The following STPG2 variants were observed in gnomAD, a reference collection of about 807,000 sequenced individuals.
STPG2 encodes the protein sperm tail PG-rich repeat containing 2.
A neutral mutation model predicts 54.2 loss-of-function variants in STPG2; 56 were observed. That is an observed-to-expected ratio of 1.03 (90% CI 0.83 to 1.29). The LOEUF (loss-of-function observed/expected upper bound fraction) is 1.29. STPG2 is among the 50% of genes most tolerant of loss of function. The probability of loss-of-function intolerance (pLI) is 0.00; values close to 1 mark genes in which losing one functional copy is unlikely to be tolerated. For synonymous variants in STPG2, 200 were observed against 181.8 expected (o/e 1.10, Z -0.81); for missense variants, 596 against 544.9 (o/e 1.09, Z -0.93).
At chr4:97,777,722 T>C (rs759461100) in intron 9 of STPG2, among the ~76,000 whole-genome samples, 1 of 152,224 alleles carries the variant, frequency 6.6e-6, no homozygotes, top group Non-Finnish European at 1.5e-5. Flanking sequence ...TTAACTTCTC[T>C]ATTCTAGATT....
intron 7 of STPG2, among the ~76,000 whole-genome samples, chr4:97,969,629 T>C (rs1197992276): frequency 2.0e-5 from 3 of 152,138 alleles, no homozygotes; most frequent in African/African-American, 7.2e-5. Flanking sequence ...TGTTAAAAAC[T>C]CTCAATAAAC....
chr4:97,457,958 TG>T (rs1332951952), intron 4 of STPG2, among the ~76,000 whole-genome samples: 1 of 152,046 alleles, frequency 6.6e-6, no homozygotes, highest in Non-Finnish European at 1.5e-5. Flanking sequence ...AAAAATAAAG[TG>T]ATATGGATGA....
intron 2 of STPG2, among the ~76,000 whole-genome samples, chr4:98,131,095 T>C (rs1169872942): frequency 2.6e-5 from 4 of 152,116 alleles, no homozygotes; most frequent in African/African-American, 7.2e-5. Context: ...ATGTGGTTTT[T>C]TCTGCACATA....
chr4:98,056,887 C>T (rs577020308), intron 5 of STPG2, among the ~76,000 whole-genome samples: 7 of 152,140 alleles, frequency 4.6e-5, no homozygotes, highest in African/African-American at 1.7e-4. Flanking sequence ...GAAGAAGGTG[C>T]TTGCTTCCCC....
chr4:97,468,074 C>T (rs1729832128), intron 4 of STPG2, among the ~76,000 whole-genome samples: 1 of 151,858 alleles, frequency 6.6e-6, no homozygotes, highest in South Asian at 2.1e-4. Flanking sequence ...TTTAACAGTC[C>T]GTCACTAATT....
At chr4:97,697,110 A>C (rs1443825725) in intron 10 of STPG2, among the ~76,000 whole-genome samples, 6 of 152,216 alleles carry the variant, frequency 3.9e-5, no homozygotes, top group Non-Finnish European at 8.8e-5. Context: ...CCTGGTCTAA[A>C]CAAAATGGTC....
chr4:97,679,233 G>A (rs1006322420), intron 10 of STPG2, among the ~76,000 whole-genome samples: 1 of 152,176 alleles, frequency 6.6e-6, no homozygotes, highest in Non-Finnish European at 1.5e-5. Context: ...CTACTTTACA[G>A]TCCCACCAAC....
At chr4:97,540,270 C>T (rs1731661022) in intron 4 of STPG2, among the ~76,000 whole-genome samples, 2 of 151,910 alleles carry the variant, frequency 1.3e-5, no homozygotes, top group Admixed American at 6.6e-5. Flanking sequence ...CAAATAGATG[C>T]AATAAATAAT....
Position 97,729,063 on chromosome 4 carries a change from T to TTCTCTCTCTCTCTCTCTCTCTCTCTCTC in STPG2, c.1205-16277_1205-16250dup, listed in dbSNP as rs57186071. 1.8e-3 allele frequency among the ~76,000 whole-genome samples: 219 copies of TTCTCTCTCTCTCTCTCTCTCTCTCTCTC among 124,892 alleles called. 20 individuals carry two copies. Among genetic ancestry groups the TTCTCTCTCTCTCTCTCTCTCTCTCTCTC allele is most frequent in the Non-Finnish European group, 3.2e-3 (184 of 58,152 alleles). The allele number at this position is 124,892 out of a possible 152,430, so 81.9% of individuals were successfully genotyped here. On this transcript the variant is annotated intron_variant, in intron 9 of 10. Transcript: ENST00000295268. ...CCACTGATGACAAGGCCCCAAGAAT[T>TTCTCTCTCTCTCTCTCTCTCTCTCTCTC]TCTCTCTCTCTCTCTCTCTCTCTCT... is the stretch of plus-strand genomic sequence containing the variant.
At chr4:97,905,227 A>T (rs537078206) in intron 8 of STPG2, among the ~76,000 whole-genome samples, 2 of 152,258 alleles carry the variant, frequency 1.3e-5, no homozygotes, top group South Asian at 4.1e-4. Context: ...TTACCCTCAA[A>T]GGGAAGCCCA....
At chr4:97,837,456 T>C (rs948222287) in intron 9 of STPG2, among the ~76,000 whole-genome samples, 23 of 151,804 alleles carry the variant, frequency 1.5e-4, no homozygotes, top group African/African-American at 4.8e-4. Context: ...GATAAAGTGA[T>C]GCTTAAATAC....
intron 10 of STPG2, among the ~76,000 whole-genome samples, chr4:97,597,847 C>A (rs761801924): frequency 6.6e-6 from 1 of 152,026 alleles, no homozygotes; most frequent in Non-Finnish European, 1.5e-5. Context: ...CCACTCTCAC[C>A]ACTCCTGTCC....
chr4:98,092,459 T>A (rs1738721149), intron 5 of STPG2, among the ~76,000 whole-genome samples: 1 of 152,076 alleles, frequency 6.6e-6, no homozygotes. Context: ...CAAGTGCCTG[T>A]TATAAAGCCA....
intron 4 of STPG2, among the ~76,000 whole-genome samples, chr4:97,453,851 A>G (rs1456439718): frequency 6.6e-6 from 1 of 152,192 alleles, no homozygotes; most frequent in Non-Finnish European, 1.5e-5. Flanking sequence ...TTTCAGACAT[A>G]GAAATCAGAC....
intron 10 of STPG2, among the ~76,000 whole-genome samples, chr4:97,608,391 A>G (rs1733646891): frequency 6.6e-6 from 1 of 152,060 alleles, no homozygotes; most frequent in Non-Finnish European, 1.5e-5. Context: ...ACAGTGGCAC[A>G]GGTATAAGTG....
intron 1 of STPG2, among the ~76,000 whole-genome samples, chr4:98,134,698 A>T (rs370234764): frequency 6.6e-6 from 1 of 151,202 alleles, no homozygotes; most frequent in East Asian, 1.9e-4. Flanking sequence ...CAAAAAAAAA[A>T]CTAAAGAAAA....
intron 7 of STPG2, among the ~76,000 whole-genome samples, chr4:97,963,777 T>A (rs1158020326): frequency 6.6e-6 from 1 of 151,806 alleles, no homozygotes; most frequent in Non-Finnish European, 1.5e-5. Context: ...AAATGAACAA[T>A]AGAAATTAAA....
In STPG2 at chr4:98,128,408, A is replaced by G. The variant is rs1364787531; in HGVS notation, c.387+20T>C. The G allele has an allele frequency of 4.6e-6, 7 of 1,536,628 alleles. No homozygotes were observed. The Admixed American group carries it at 1.1e-4, about 24-fold the overall frequency. On this transcript the variant is annotated intron_variant, in intron 3 of 10. Transcript: ENST00000295268. ...CATAAACAATTTTCCAATTGTCAATATGAAATACATTATACTTACAAATTG... is the reference window on the plus strand; with the variant it reads ...CATAAACAATTTTCCAATTGTCAATGTGAAATACATTATACTTACAAATTG...
rs1730642244 is a variant in STPG2, at chr4:97,497,811, C to T, written c.462+214888G>A. Among the ~76,000 whole-genome samples the T allele has an allele frequency of 2.0e-5, 3 of 151,816 alleles. No homozygotes were observed. The Admixed American group carries it at 2.0e-4, about 10-fold the overall frequency. On this transcript the variant is annotated intron_variant, in intron 4 of 4. Coordinates refer to the STPG2 transcript ENST00000522676. ...ACATAAATTAGCAAGTTATCACTAA[C>T]ATTTTTCATCCTTTTTGTATCTACA...
Sources: allele counts gnomAD v4.1 joint callset (sites outside exome capture counted in the v4.1 genomes callset), GRCh38; gene constraint gnomAD v4.1.1; transcripts MANE v1.5; gene names NCBI Gene and HGNC (gene_info 2026-07-23, HGNC 2026-07-21).